Variants in ENOX1 observed in about 807,000 individuals in gnomAD.
ENOX1 encodes ecto-NOX disulfide-thiol exchanger 1.
A neutral mutation model predicts 82.5 loss-of-function variants in ENOX1; 42 were observed. That is an observed-to-expected ratio of 0.51 (90% CI 0.40 to 0.66). The LOEUF is 0.66. ENOX1 is among the 30% of genes least tolerant of loss of function. The probability of loss-of-function intolerance (pLI) is 0.00; values close to 1 mark genes in which losing one functional copy is unlikely to be tolerated. For synonymous variants in ENOX1, 271 were observed against 282.2 expected (o/e 0.96, Z 0.40); for missense variants, 608 against 811.6 (o/e 0.75, Z 3.05).
intron 1 of ENOX1, among the ~76,000 whole-genome samples, chr13:43,772,985 A>G (rs1187929135): frequency 1.3e-5 from 2 of 152,208 alleles, no homozygotes; most frequent in Non-Finnish European, 1.5e-5. Flanking sequence ...TGTCCCCCTT[A>G]CAGATAATCA....
intron 3 of ENOX1, among the ~76,000 whole-genome samples, chr13:43,430,942 G>A (rs2055620256): frequency 6.6e-6 from 1 of 151,976 alleles, no homozygotes; most frequent in African/African-American, 2.4e-5. Flanking sequence ...AGAAGTTTTT[G>A]TTTGTTTTAA....
chr13:43,780,620 G>A (rs950675500), intron 1 of ENOX1, among the ~76,000 whole-genome samples: 11 of 152,112 alleles, frequency 7.2e-5, no homozygotes, highest in Admixed American at 6.5e-5. Flanking sequence ...TTGTCTTCAG[G>A]GACACTACCT....
At chr13:43,405,298 G>C (rs77732379) in intron 5 of ENOX1, among the ~76,000 whole-genome samples, 3,476 of 152,220 alleles carry the variant, frequency 0.023, 136 homozygotes, top group African/African-American at 0.078. Context: ...AAACTTGAAG[G>C]AGCATCTGAG....
At chr13:43,609,843 C>A (rs1008351692) in intron 2 of ENOX1, 1 of 824,834 alleles carries the variant, frequency 1.2e-6, no homozygotes, top group African/African-American at 1.8e-5. Context: ...AGGACCATTA[C>A]AAAAGTAAGA....
At position 43,411,989 on chromosome 13, in the gene ENOX1, G is replaced by T. The variant is rs772792203; in HGVS notation, c.135C>A (p.Pro45=). 5 of 1,614,156 alleles carry T rather than the reference G, an allele frequency of 3.1e-6. No homozygotes were observed. The South Asian group carries it at 4.4e-5, about 14-fold the overall frequency. ...TATTCATGGCTGTAGCCCAGGCTGT[G>T]GGATCTGTCACGGACATGTTGAGCT... is the stretch of plus-strand genomic sequence containing the variant. The part of the protein sequence containing the change: ...TTQLNMSVTD[P]TAWATAMNNL... Residue 45 remains proline (P), a synonymous_variant, in exon 5 of 17, where the codon CCC becomes CCA. Coordinates refer to ENST00000690772, the MANE Select transcript of ENOX1 (RefSeq NM_001347969.2).
chr13:43,626,147 C>T (rs1033594082), intron 2 of ENOX1, among the ~76,000 whole-genome samples: 1 of 151,762 alleles, frequency 6.6e-6, no homozygotes, highest in African/African-American at 2.4e-5. Context: ...ACAGTATTAT[C>T]TTAATTTCCT....
At chr13:43,433,443 G>C (rs768107945) in intron 3 of ENOX1, among the ~76,000 whole-genome samples, 7 of 152,106 alleles carry the variant, frequency 4.6e-5, no homozygotes, top group Non-Finnish European at 7.3e-5. Flanking sequence ...GTTTCAACAT[G>C]AGTGTTGGTG....
intron 10 of ENOX1, among the ~76,000 whole-genome samples, 172 bp from the exon 11 acceptor site, chr13:43,322,673 G>A (rs2047884780): frequency 6.6e-6 from 1 of 152,220 alleles, no homozygotes; most frequent in Non-Finnish European, 1.5e-5. Context: ...GTACAGGGGA[G>A]ACTGAGGTCA....
intron 2 of ENOX1, among the ~76,000 whole-genome samples, chr13:43,526,615 T>C (rs1286817674): frequency 6.6e-6 from 1 of 152,178 alleles, no homozygotes. Flanking sequence ...TTAATGCTAC[T>C]ATATAATTTC....
intron 14 of ENOX1, among the ~76,000 whole-genome samples, chr13:43,251,433 G>A (rs532534770): frequency 4.6e-5 from 7 of 152,186 alleles, no homozygotes; most frequent in Non-Finnish European, 1.0e-4. Flanking sequence ...GTATCTACCT[G>A]CATAGGCTCA....
chr13:43,284,089 A>G (rs2045557035), intron 12 of ENOX1, among the ~76,000 whole-genome samples: 1 of 152,140 alleles, frequency 6.6e-6, no homozygotes, highest in South Asian at 2.1e-4. Flanking sequence ...GTATGGGATT[A>G]ATTTTTGTAA....
chr13:43,710,369 T>C (rs1159358742), intron 1 of ENOX1, among the ~76,000 whole-genome samples: 1 of 152,168 alleles, frequency 6.6e-6, no homozygotes, highest in African/African-American at 2.4e-5. Flanking sequence ...CACTTGGTTA[T>C]CTCAATAAAT....
At chr13:43,422,583 G>T (rs1251044326) in intron 3 of ENOX1, among the ~76,000 whole-genome samples, 4 of 152,096 alleles carry the variant, frequency 2.6e-5, no homozygotes. Context: ...AATGGGTAAG[G>T]TTTTACCCAC....
At chr13:43,274,085 T>C (rs2044857245) in intron 12 of ENOX1, among the ~76,000 whole-genome samples, 1 of 152,218 alleles carries the variant, frequency 6.6e-6, no homozygotes, top group Non-Finnish European at 1.5e-5. Context: ...ACTACTAATG[T>C]ATTGTTCTAA....
intron 2 of ENOX1, among the ~76,000 whole-genome samples, chr13:43,484,601 C>A (rs2076350332): frequency 6.6e-6 from 1 of 152,198 alleles, no homozygotes; most frequent in Non-Finnish European, 1.5e-5. Context: ...GGCTTAGAAC[C>A]TGTAACCATC....
intron 1 of ENOX1, among the ~76,000 whole-genome samples, chr13:43,715,961 A>AT (rs1487355055): frequency 1.3e-5 from 2 of 151,948 alleles, no homozygotes; most frequent in East Asian, 1.9e-4. Flanking sequence ...CATTCGTCTA[A>AT]TTTTTTCTCA....
At chr13:43,573,598 T>C (rs2080282494) in intron 2 of ENOX1, among the ~76,000 whole-genome samples, 1 of 152,140 alleles carries the variant, frequency 6.6e-6, no homozygotes, top group South Asian at 2.1e-4. Context: ...GCCATTAAGA[T>C]GAATTCACAG....
intron 12 of ENOX1, among the ~76,000 whole-genome samples, chr13:43,274,263 G>T (rs2044869600): frequency 6.6e-6 from 1 of 152,178 alleles, no homozygotes; most frequent in African/African-American, 2.4e-5. Context: ...TATTCTTCAA[G>T]TTTCACCACA....
chr13:43,288,644 A>G (rs1485196010), intron 12 of ENOX1, among the ~76,000 whole-genome samples: 2 of 152,196 alleles, frequency 1.3e-5, no homozygotes, highest in Non-Finnish European at 2.9e-5. Context: ...TCATATATTA[A>G]AGATATTAGG....
Sources: allele counts gnomAD v4.1 joint callset (sites outside exome capture counted in the v4.1 genomes callset), GRCh38; gene constraint gnomAD v4.1.1; transcripts MANE v1.5; gene names NCBI Gene and HGNC (gene_info 2026-07-23, HGNC 2026-07-21).